Variants in TTLL11 observed in about 807,000 individuals in gnomAD.
TTLL11 encodes the protein tubulin tyrosine ligase like 11, also known as tubulin polyglutamylase TTLL11.
A neutral mutation model predicts 51.7 loss-of-function variants in TTLL11; 42 were observed. The observed-to-expected ratio is 0.81, with a 90% CI of 0.64 to 1.05. TTLL11 has a LOEUF of 1.05. Ranked by LOEUF, TTLL11 falls within the 50% of genes least tolerant of loss-of-function variation. TTLL11 has a pLI of 0.00. For synonymous variants in TTLL11, 381 were observed against 383.5 expected (o/e 0.99, Z 0.08); for missense variants, 799 against 940.4 (o/e 0.85, Z 1.97).
intron 1 of TTLL11, among the ~76,000 whole-genome samples, chr9:122,042,824 GA>G (rs1394103754): frequency 6.6e-6 from 1 of 152,158 alleles, no homozygotes; most frequent in Non-Finnish European, 1.5e-5. Context: ...TTACTAAATG[GA>G]ATAAGTCAAT....
At chr9:121,826,122 T>C (rs1459146852) in intron 8 of TTLL11, among the ~76,000 whole-genome samples, 1 of 142,516 alleles carries the variant, frequency 7.0e-6, no homozygotes, top group Admixed American at 7.2e-5. Context: ...GCAAACTTTT[T>C]GCACATATAT....
chr9:121,856,807 G>C (rs1209384137), intron 8 of TTLL11, among the ~76,000 whole-genome samples: 1 of 151,746 alleles, frequency 6.6e-6, no homozygotes, highest in African/African-American at 2.4e-5. Context: ...AACTGGATCT[G>C]AGGGCCTCGA....
intron 6 of TTLL11, among the ~76,000 whole-genome samples, chr9:121,897,490 A>G (rs890493262): frequency 1.3e-5 from 2 of 152,028 alleles, no homozygotes; most frequent in Non-Finnish European, 2.9e-5. Flanking sequence ...CATCTCTGCG[A>G]TGACTCCAGA....
At chr9:122,085,835 G>T (rs1288684466) in intron 1 of TTLL11, among the ~76,000 whole-genome samples, 2 of 152,152 alleles carry the variant, frequency 1.3e-5, no homozygotes, top group African/African-American at 4.8e-5. Flanking sequence ...TCTCAGAGAG[G>T]TTCTGTATTT....
chr9:122,016,241 G>A (rs1028934850), intron 3 of TTLL11, among the ~76,000 whole-genome samples: 3 of 152,168 alleles, frequency 2.0e-5, no homozygotes, highest in African/African-American at 7.2e-5. Flanking sequence ...AGAGGTAAGA[G>A]AGGTCTTGAT....
Position 121,820,044 on chromosome 9 carries a change from G to A in TTLL11, c.*2543C>T, listed in dbSNP as rs1469583017. Among the ~76,000 whole-genome samples the A allele has an allele frequency of 1.3e-5, 2 of 152,186 alleles. No homozygotes were observed. The highest frequency in any genetic ancestry group is 1.9e-4 in the East Asian group (1 of 5,172). On this transcript the variant is annotated 3_prime_UTR_variant, in exon 9 of 9. Transcript: ENST00000321582. ...TGCCCTGCGGGTGGGTGGGGCTATCGGGGCCTTGTCTGCAGAGGAGGGGGC... is the reference window on the plus strand; with the variant it reads ...TGCCCTGCGGGTGGGTGGGGCTATCAGGGCCTTGTCTGCAGAGGAGGGGGC...
At chr9:121,990,911 C>T (rs1289547245) in intron 3 of TTLL11, among the ~76,000 whole-genome samples, 1 of 152,150 alleles carries the variant, frequency 6.6e-6, no homozygotes, top group East Asian at 1.9e-4. Context: ...TCATCCTCGC[C>T]CCATTGCCCC....
In TTLL11 at chr9:121,989,731, T is replaced by C. The variant is rs767811452; in HGVS notation, c.733A>G (p.Thr245Ala). Residue 245 changes from threonine to alanine, a missense_variant, in exon 4 of 9, where the codon ACT becomes GCT. Physicochemically the swap from Thr to Ala is moderately conservative, Grantham distance 58 (BLOSUM62 0). Around this residue, in one of 3 missense-constraint regions of TTLL11, gnomAD observed 468 missense variants for 612.8 expected, o/e 0.76. Transcript: ENST00000321582. This position sits in a 1 kb window ranked among gnomAD's most constrained non-coding sequence, Gnocchi z 4.2. ...CCACCATCAGGTTTCACGATAAAAG[T>C]GGGCTTCCAGGAGGGGTCATCGTCT... ...VKDDDPSWKP[T>A]FIVKPDGGCQ... 6.2e-5 allele frequency: 100 copies of C among 1,609,518 alleles called. No homozygotes were observed. The highest frequency in any genetic ancestry group is 8.2e-5 in the Non-Finnish European group (96 of 1,176,642).
intron 4 of TTLL11, among the ~76,000 whole-genome samples, chr9:121,979,062 T>C (rs2131668826): frequency 6.6e-6 from 1 of 152,312 alleles, no homozygotes; most frequent in East Asian, 1.9e-4. Context: ...CCTCTAATAT[T>C]GGGTTATAAA....
At chr9:122,004,130 AT>A (rs1843567716) in intron 3 of TTLL11, among the ~76,000 whole-genome samples, 1 of 151,882 alleles carries the variant, frequency 6.6e-6, no homozygotes, top group African/African-American at 2.4e-5. Flanking sequence ...TCAAAAAAAA[AT>A]AATAAAATAA....
At chr9:121,898,376 A>C (rs530452961) in intron 6 of TTLL11, among the ~76,000 whole-genome samples, 7 of 152,354 alleles carry the variant, frequency 4.6e-5, no homozygotes, top group African/African-American at 1.4e-4. Flanking sequence ...TTTGGCCCTG[A>C]AAAGGGGATG....
intron 6 of TTLL11, among the ~76,000 whole-genome samples, chr9:121,955,137 T>C (rs923001314): frequency 1.3e-5 from 2 of 152,222 alleles, no homozygotes; most frequent in Admixed American, 6.5e-5. Flanking sequence ...ACAAATGTTT[T>C]GCATCAGGGA....
chr9:121,856,516 T>C (rs1474036587), intron 8 of TTLL11, among the ~76,000 whole-genome samples: 1 of 152,242 alleles, frequency 6.6e-6, no homozygotes, highest in Non-Finnish European at 1.5e-5. Flanking sequence ...TTTTTTATTT[T>C]TGTCTCACAT....
rs947846162 is a variant in TTLL11, at chr9:121,820,306, A to C, written c.*2281T>G. Among the ~76,000 whole-genome samples, 3 of 152,222 alleles carry C rather than the reference A, an allele frequency of 2.0e-5. No individual in the cohort carries two copies. Among genetic ancestry groups the C allele is most frequent in the Admixed American group, 2.0e-4 (3 of 15,288 alleles). On this transcript the variant is annotated 3_prime_UTR_variant, in exon 9 of 9. Coordinates refer to ENST00000321582, the MANE Select transcript of TTLL11 (RefSeq NM_001139442.2). ...TACTTTCTGAAGACCAACTTCAAGAAATGGTGTCACGTGAGAGCTTTGTTA... is the reference window on the plus strand; with the variant it reads ...TACTTTCTGAAGACCAACTTCAAGACATGGTGTCACGTGAGAGCTTTGTTA...
chr9:121,924,253 G>A (rs566277228), intron 6 of TTLL11, among the ~76,000 whole-genome samples: 1 of 152,350 alleles, frequency 6.6e-6, no homozygotes, highest in African/African-American at 2.4e-5. Flanking sequence ...ACTCAGTACA[G>A]TGCATGGCCC....
intron 1 of TTLL11, among the ~76,000 whole-genome samples, chr9:122,084,860 T>C (rs1846084261): frequency 6.6e-6 from 1 of 152,204 alleles, no homozygotes; most frequent in Non-Finnish European, 1.5e-5. Flanking sequence ...GGTACTTTCA[T>C]GTAGAATAAC....
chr9:121,980,782 T>G (rs1008265410), intron 4 of TTLL11, among the ~76,000 whole-genome samples: 2 of 152,246 alleles, frequency 1.3e-5, no homozygotes. Flanking sequence ...AATGATAGAC[T>G]GGATTAAGAA....
intron 6 of TTLL11, among the ~76,000 whole-genome samples, chr9:121,924,406 C>A (rs1450264936): frequency 1.3e-5 from 2 of 152,228 alleles, no homozygotes; most frequent in African/African-American, 2.4e-5. Flanking sequence ...GGGCCACAGC[C>A]CTGGCTGACT....
At chr9:121,895,570 GTTGTGTGT>G (rs1380554715) in intron 6 of TTLL11, among the ~76,000 whole-genome samples, 1 of 150,284 alleles carries the variant, frequency 6.7e-6, no homozygotes, top group East Asian at 2.0e-4. Flanking sequence ...TGTCTGTGTG[GTTGTGTGT>G]TTGTGTGACT....
Sources: allele counts gnomAD v4.1 joint callset (sites outside exome capture counted in the v4.1 genomes callset), GRCh38; gene constraint gnomAD v4.1.1; regional missense constraint gnomAD v4.1.1; non-coding constraint Gnocchi (gnomAD v3.1); transcripts MANE v1.5; gene names NCBI Gene and HGNC (gene_info 2026-07-23, HGNC 2026-07-21).